The following ZBTB20 variants were observed in gnomAD, a reference collection of about 807,000 sequenced individuals.
ZBTB20 encodes the protein zinc finger and BTB domain containing 20.
Under a neutral mutation model 56.9 loss-of-function variants are expected in ZBTB20, and 9 were observed. That is an observed-to-expected ratio of 0.16 (90% confidence interval 0.10 to 0.28). ZBTB20 has a LOEUF of 0.28. ZBTB20 is among the 10% of genes least tolerant of loss of function. The pLI is 1.00. For synonymous variants in ZBTB20, 417 were observed against 420.7 expected (o/e 0.99, Z 0.11); for missense variants, 655 against 1,003.0 (o/e 0.65, Z 4.69).
At chr3:114,532,027 G>C (rs192773026) in intron 6 of ZBTB20, among the ~76,000 whole-genome samples, 1 of 152,170 alleles carries the variant, frequency 6.6e-6, no homozygotes, top group Non-Finnish European at 1.5e-5. Context: ...CCTACACCAC[G>C]AGGGCCCTGG....
rs1351364162 is a variant in ZBTB20, at chr3:114,324,140, T to C, written c.*14865A>G. The C allele has an allele frequency of 6.6e-6, 1 of 152,104 alleles. No individual in the cohort carries two copies. The highest frequency in any genetic ancestry group is 1.9e-4 in the East Asian group (1 of 5,190). 9.4% of individuals were successfully genotyped at this position (152,104 alleles called of 1,614,324 possible). ...GCACCTATGTATTTTCTGTAAAACA[T>C]TAAGCCAATAGGCAGAAAATAAAAG... On this transcript the variant is annotated 3_prime_UTR_variant, in exon 12 of 12. Transcript: ENST00000675478.
At chr3:114,909,576 C>T (rs1217732069) in intron 3 of ZBTB20, among the ~76,000 whole-genome samples, 4 of 151,940 alleles carry the variant, frequency 2.6e-5, no homozygotes, top group Non-Finnish European at 5.9e-5. Context: ...TTTCTCAGAG[C>T]AACTTCCAGT....
At chr3:114,472,873 T>C (rs1392429634) in intron 7 of ZBTB20, among the ~76,000 whole-genome samples, 1 of 152,140 alleles carries the variant, frequency 6.6e-6, no homozygotes, top group East Asian at 1.9e-4. Flanking sequence ...AAATGTATGA[T>C]GGAAACCAAA....
intron 2 of ZBTB20, among the ~76,000 whole-genome samples, chr3:115,000,038 T>G (rs1345928211): frequency 6.6e-6 from 1 of 151,292 alleles, no homozygotes; most frequent in Non-Finnish European, 1.5e-5. Flanking sequence ...GTGTTGGACT[T>G]TCATTTAAAA....
At chr3:114,773,939 C>T (rs2069403669) in intron 5 of ZBTB20, among the ~76,000 whole-genome samples, 1 of 152,112 alleles carries the variant, frequency 6.6e-6, no homozygotes, top group African/African-American at 2.4e-5. Flanking sequence ...AATTTTCTTT[C>T]TTACTCATAT....
intron 6 of ZBTB20, among the ~76,000 whole-genome samples, chr3:114,647,044 T>C (rs1340149576): frequency 2.6e-5 from 4 of 152,014 alleles, no homozygotes; most frequent in South Asian, 2.1e-4. Context: ...CTGCAAGCTC[T>C]GCCTCCCGGG....
intron 6 of ZBTB20, among the ~76,000 whole-genome samples, chr3:114,568,097 A>G (rs1189552113): frequency 1.3e-5 from 2 of 152,188 alleles, no homozygotes; most frequent in Non-Finnish European, 1.5e-5. Flanking sequence ...CCCCAGAGAG[A>G]CGGAGAGATA....
intron 7 of ZBTB20, among the ~76,000 whole-genome samples, chr3:114,482,759 T>TTATAGA (rs1321052308): frequency 6.6e-6 from 1 of 152,178 alleles, no homozygotes; most frequent in Non-Finnish European, 1.5e-5. Flanking sequence ...GTTTGGAAAG[T>TTATAGA]TATAGACCAA....
intron 5 of ZBTB20, among the ~76,000 whole-genome samples, chr3:114,750,935 T>C (rs1401337923): frequency 6.6e-6 from 1 of 152,200 alleles, no homozygotes; most frequent in Non-Finnish European, 1.5e-5. Context: ...CAGTAAGATA[T>C]CCTTAGGTAG....
At chr3:114,931,617 C>T (rs1010734039) in intron 3 of ZBTB20, among the ~76,000 whole-genome samples, 4 of 152,082 alleles carry the variant, frequency 2.6e-5, no homozygotes, top group Admixed American at 6.5e-5. Context: ...GCATTATCTA[C>T]GAAGCATGGG....
At chr3:114,575,842 C>G (rs1265183971) in intron 6 of ZBTB20, among the ~76,000 whole-genome samples, 1 of 152,116 alleles carries the variant, frequency 6.6e-6, no homozygotes, top group Non-Finnish European at 1.5e-5. Flanking sequence ...TGGAAATAGC[C>G]ATGAATGGAC....
intron 2 of ZBTB20, among the ~76,000 whole-genome samples, chr3:115,038,293 T>C (rs371839679): frequency 1.3e-5 from 2 of 152,176 alleles, no homozygotes; most frequent in Non-Finnish European, 2.9e-5. Flanking sequence ...AAGATACTCA[T>C]AAACCCAATT....
Position 114,351,439 on chromosome 3 carries a change from C to T in ZBTB20, c.639G>A (p.Arg213=). 3 of 1,613,402 alleles carry T rather than the reference C, an allele frequency of 1.9e-6. No homozygotes were observed. Among genetic ancestry groups the T allele is most frequent in the Middle Eastern group, 1.6e-4 (1 of 6,062 alleles). The stretch of plus-strand genomic sequence containing the variant: ...CTGACGTGCCTGACTCGGGAGTGCC[C>T]CGCGGCGTGTCCTGGCCCGAGTCCT... The part of the protein sequence containing the change: ...GIQDSGQDTP[R]GTPESGTSGQ... Residue 213 remains arginine (R), a synonymous_variant, in exon 11 of 12, where the codon CGG becomes CGA. Coordinates refer to ENST00000675478, the MANE Select transcript of ZBTB20 (RefSeq NM_001348800.3).
intron 6 of ZBTB20, among the ~76,000 whole-genome samples, chr3:114,663,013 G>A (rs1383684766): frequency 5.3e-5 from 8 of 150,220 alleles, no homozygotes; most frequent in East Asian, 2.0e-4. Context: ...GCAGGCCAAC[G>A]TTCAGATTCA....
intron 5 of ZBTB20, among the ~76,000 whole-genome samples, chr3:114,721,654 T>A (rs758639361): frequency 1.3e-5 from 2 of 152,152 alleles, no homozygotes; most frequent in African/African-American, 2.4e-5. Context: ...AAGCCTGGAT[T>A]CAAACCCAGG....
Position 114,339,077 on chromosome 3 carries a change from G to A in ZBTB20, c.2154C>T (p.Ser718=), listed in dbSNP as rs753707274. Residue 718 remains serine, a synonymous_variant, in exon 12 of 12, where the codon TCC becomes TCT. Transcript: ENST00000675478. This position sits in a 1 kb window ranked among gnomAD's most constrained non-coding sequence, Gnocchi z 4.2. ...ACTEGTTYVC[S]VCPAKFDQIE... ...TTTGGTCAAACTTTGCTGGGCAGACGGAGCAGACGTAAGTGGTCCCCTCCG... is the reference window on the plus strand; with the variant it reads ...TTTGGTCAAACTTTGCTGGGCAGACAGAGCAGACGTAAGTGGTCCCCTCCG... The A allele has an allele frequency of 3.9e-5, 61 of 1,566,650 alleles. 1 individual carries two copies. In the Middle Eastern group the frequency reaches 5.1e-4, roughly 13 times the overall value.
At chr3:114,784,558 T>C (rs1578853846) in intron 5 of ZBTB20, among the ~76,000 whole-genome samples, 1 of 152,216 alleles carries the variant, frequency 6.6e-6, no homozygotes, top group South Asian at 2.1e-4. Flanking sequence ...GTTTTCACTA[T>C]CATCTGCTGG....
At chr3:114,677,318 G>T (rs150106116) in intron 6 of ZBTB20, among the ~76,000 whole-genome samples, 1 of 152,202 alleles carries the variant, frequency 6.6e-6, no homozygotes, top group Non-Finnish European at 1.5e-5. Flanking sequence ...ACCAGCAGCC[G>T]CCAGTCCCCA....
rs757404917 is a variant in ZBTB20 at position 114,696,700 on chromosome 3, C to A, written c.-342-3125G>T. ...ACAGGGATGAAGGACTTATAAATTG[C>A]ATACAAATCTCACTGTGCTCCCACT... is the stretch of plus-strand genomic sequence containing the variant. On this transcript the variant is annotated intron_variant, in intron 5 of 11. Transcript: ENST00000675478. 4.1e-4 allele frequency among the ~76,000 whole-genome samples: 62 copies of A among 151,930 alleles called. 1 individual carries two copies. The highest frequency in any genetic ancestry group is 2.1e-3 in the Admixed American group (32 of 15,202).
Sources: allele counts gnomAD v4.1 joint callset (sites outside exome capture counted in the v4.1 genomes callset), GRCh38; gene constraint gnomAD v4.1.1; non-coding constraint Gnocchi (gnomAD v3.1); transcripts MANE v1.5; gene names NCBI Gene and HGNC (gene_info 2026-07-23, HGNC 2026-07-21).